RAB38: variants seen among roughly 807,000 people sequenced by gnomAD.
The protein encoded by RAB38 is ras-related protein Rab-38.
RAB38 carries 15 observed loss-of-function variants against 18.4 expected under a neutral mutation model. The observed-to-expected ratio is 0.82, with a 90% CI of 0.55 to 1.26. The LOEUF (loss-of-function observed/expected upper bound fraction) is 1.26. Among genes scored for constraint, RAB38 ranks in the 50% most tolerant of loss-of-function variants. The pLI is 0.00. For missense variants in RAB38, 294 were observed against 267.4 expected (o/e 1.10, Z -0.69); for synonymous variants, 101 against 104.4 (o/e 0.97, Z 0.20).
chr11:88,010,782 G>A, the RAB38 span, among the ~76,000 whole-genome samples: 1 of 152,126 alleles, frequency 6.6e-6, no homozygotes, highest in Non-Finnish European at 1.5e-5. Flanking sequence ...ATTTTTCCAG[G>A]TTTCAAGGCA....
the RAB38 span, among the ~76,000 whole-genome samples, chr11:88,007,936 T>C: frequency 2.6e-5 from 4 of 151,986 alleles, no homozygotes; most frequent in African/African-American, 9.7e-5. Flanking sequence ...AATGAAACAA[T>C]ATGGATGAAC....
intron 2 of RAB38, among the ~76,000 whole-genome samples, chr11:88,145,943 C>A (rs566561305): frequency 6.6e-6 from 1 of 152,072 alleles, no homozygotes; most frequent in South Asian, 2.1e-4. Flanking sequence ...GGAAATACAG[C>A]CAAGAAAGCA....
the RAB38 span, among the ~76,000 whole-genome samples, chr11:87,894,764 CAT>C: frequency 0.092 from 13,678 of 149,170 alleles, 935 homozygotes; most frequent in Admixed American, 0.22. Context: ...CATTATATAT[CAT>C]ATATATGTAC....
At chr11:88,150,794 C>T (rs1041593442) in intron 1 of RAB38, among the ~76,000 whole-genome samples, 3 of 152,182 alleles carry the variant, frequency 2.0e-5, no homozygotes, top group African/African-American at 7.2e-5. Context: ...ATTAAATACT[C>T]TCAACCACTA....
intron 1 of RAB38, chr11:88,166,607 T>A (rs1943248109): frequency 6.6e-6 from 1 of 152,136 alleles, no homozygotes; most frequent in Non-Finnish European, 1.5e-5. Flanking sequence ...TATTATTTTA[T>A]ATAATATACG....
chr11:88,112,692 TG>T (rs1375588246), downstream of RAB38, among the ~76,000 whole-genome samples: 1 of 152,044 alleles, frequency 6.6e-6, no homozygotes, highest in Non-Finnish European at 1.5e-5. Flanking sequence ...GAGAATCGCT[TG>T]AACCCAGGAG....
the RAB38 span, among the ~76,000 whole-genome samples, chr11:88,019,295 G>A: frequency 6.6e-6 from 1 of 152,072 alleles, no homozygotes; most frequent in African/African-American, 2.4e-5. Context: ...ATATCTTAGA[G>A]TCATCTATGA....
At chr11:88,004,368 CAA>C in the RAB38 span, among the ~76,000 whole-genome samples, 1 of 150,886 alleles carries the variant, frequency 6.6e-6, no homozygotes, top group Admixed American at 6.6e-5. Context: ...ACCACAATAA[CAA>C]AATCAAGAGC....
the RAB38 span, among the ~76,000 whole-genome samples, chr11:87,909,984 AGT>A: frequency 2.0e-5 from 3 of 152,072 alleles, no homozygotes; most frequent in Non-Finnish European, 4.4e-5. Flanking sequence ...AAACTGCCAA[AGT>A]GTTTTTCAGC....
the RAB38 span, among the ~76,000 whole-genome samples, chr11:87,823,885 TTA>T: frequency 1.3e-5 from 2 of 152,140 alleles, no homozygotes; most frequent in African/African-American, 4.8e-5. Flanking sequence ...TAAGTACATA[TTA>T]TATAATATCA....
the RAB38 span, among the ~76,000 whole-genome samples, chr11:87,818,069 T>C: frequency 6.6e-6 from 1 of 152,220 alleles, no homozygotes; most frequent in Non-Finnish European, 1.5e-5. Context: ...TCTCAAGCTT[T>C]GCATTTGTCA....
At chr11:87,968,824 A>T in the RAB38 span, among the ~76,000 whole-genome samples, 4 of 152,154 alleles carry the variant, frequency 2.6e-5, no homozygotes, top group Non-Finnish European at 1.5e-5. Context: ...ACCAAAAAAT[A>T]TGGGCCCCCT....
At chr11:87,935,482 GATTA>G in the RAB38 span, among the ~76,000 whole-genome samples, 2 of 151,936 alleles carry the variant, frequency 1.3e-5, no homozygotes, top group African/African-American at 4.8e-5. Flanking sequence ...TCTGTCCTGA[GATTA>G]ATTTTGTTCC....
chr11:87,946,010 C>G, the RAB38 span, among the ~76,000 whole-genome samples: 1 of 152,160 alleles, frequency 6.6e-6, no homozygotes, highest in South Asian at 2.1e-4. Context: ...GAAGCTGAGG[C>G]CCAGAGAAAG....
the RAB38 span, among the ~76,000 whole-genome samples, chr11:88,101,988 T>C: frequency 1.3e-5 from 2 of 151,826 alleles, no homozygotes; most frequent in East Asian, 3.9e-4. Flanking sequence ...CTGGAGAAAG[T>C]AGAAAAACGA....
the RAB38 span, among the ~76,000 whole-genome samples, chr11:88,036,792 A>G: frequency 7.4e-4 from 112 of 152,086 alleles, no homozygotes; most frequent in Middle Eastern, 6.8e-3. Flanking sequence ...TACTAATATA[A>G]GGATTTACAT....
At chr11:88,152,132 C>A (rs1245398838) in intron 1 of RAB38, among the ~76,000 whole-genome samples, 2 of 152,146 alleles carry the variant, frequency 1.3e-5, no homozygotes, top group Non-Finnish European at 1.5e-5. Context: ...GTGGCCATGA[C>A]ATTTCAGAAA....
chr11:87,883,101 A>AT, the RAB38 span, among the ~76,000 whole-genome samples: 1 of 151,830 alleles, frequency 6.6e-6, no homozygotes, highest in Admixed American at 6.6e-5. Context: ...CTCTTTGTAG[A>AT]TTTTTCTCTG....
the RAB38 span, among the ~76,000 whole-genome samples, chr11:88,074,931 A>T: frequency 2.2e-4 from 34 of 152,218 alleles, no homozygotes; most frequent in Non-Finnish European, 3.8e-4. Context: ...AATAGACTGC[A>T]AATCATAAAC....
Sources: allele counts gnomAD v4.1 joint callset (sites outside exome capture counted in the v4.1 genomes callset), GRCh38; gene constraint gnomAD v4.1.1; transcripts MANE v1.5; gene names NCBI Gene and HGNC (gene_info 2026-07-23, HGNC 2026-07-21).